Variants in MAGI2 observed in about 807,000 individuals in gnomAD.
MAGI2 encodes the protein membrane associated guanylate kinase, WW and PDZ domain containing 2, also known as membrane-associated guanylate kinase, WW and PDZ domain-containing protein 2.
In MAGI2, 35 loss-of-function variants were observed where a neutral mutation model predicts 133.3. The observed-to-expected ratio is 0.26, with a 90% CI of 0.20 to 0.35. MAGI2 has a LOEUF of 0.35. MAGI2 is among the 10% of genes least tolerant of loss of function. The pLI, the probability that MAGI2 is intolerant of heterozygous loss-of-function variation, is 1.00. For synonymous variants in MAGI2, 729 were observed against 710.6 expected, an observed-to-expected ratio of 1.03 and a Z score of -0.41; for missense variants, 1,636 against 1,863.4, an observed-to-expected ratio of 0.88 and a Z score of 2.25.
chr7:78,642,024 A>T (rs1810369542), intron 2 of MAGI2, among the ~76,000 whole-genome samples: 1 of 152,208 alleles, frequency 6.6e-6, no homozygotes, highest in Non-Finnish European at 1.5e-5. Context: ...TTATATAAGC[A>T]AATCTTCTGT....
chr7:79,328,669 A>C (rs2129088150), intron 1 of MAGI2, among the ~76,000 whole-genome samples: 1 of 152,304 alleles, frequency 6.6e-6, no homozygotes, highest in African/African-American at 2.4e-5. Context: ...TTGAAGGAAT[A>C]TTAAAATGTA....
intron 6 of MAGI2, among the ~76,000 whole-genome samples, chr7:78,482,917 ACACACACG>A (rs1257882942): frequency 6.2e-5 from 9 of 145,346 alleles, no homozygotes; most frequent in African/African-American, 2.5e-4. Flanking sequence ...ACACACACAC[ACACACACG>A]AGTACTTGTA....
chr7:79,174,146 T>C (rs1825869620), intron 1 of MAGI2, among the ~76,000 whole-genome samples: 1 of 152,084 alleles, frequency 6.6e-6, no homozygotes, highest in Non-Finnish European at 1.5e-5. Flanking sequence ...TAGATTGTGA[T>C]GTAAAATTTA....
intron 16 of MAGI2, among the ~76,000 whole-genome samples, chr7:78,155,897 C>A (rs776463686): frequency 6.6e-6 from 1 of 152,204 alleles, no homozygotes; most frequent in Non-Finnish European, 1.5e-5. Context: ...GAAACCCTAA[C>A]TCCCAGTTTC....
intron 2 of MAGI2, among the ~76,000 whole-genome samples, chr7:78,937,077 A>C (rs1243319474): frequency 2.0e-5 from 3 of 152,020 alleles, no homozygotes; most frequent in Non-Finnish European, 2.9e-5. Context: ...GTTCCGGGGA[A>C]GAAAAAATAC....
chr7:78,088,255 T>A (rs999062603), intron 20 of MAGI2, among the ~76,000 whole-genome samples: 1 of 152,252 alleles, frequency 6.6e-6, no homozygotes, highest in Admixed American at 6.5e-5. Context: ...TACTGACTCA[T>A]GGTAACAATT....
At chr7:79,324,393 T>C (rs1288851816) in intron 1 of MAGI2, among the ~76,000 whole-genome samples, 3 of 145,676 alleles carry the variant, frequency 2.1e-5, no homozygotes, top group Non-Finnish European at 4.5e-5. Flanking sequence ...TGTGTATGTA[T>C]ATATATATAC....
intron 1 of MAGI2, among the ~76,000 whole-genome samples, chr7:79,068,991 G>GTT (rs989141153): frequency 1.4e-5 from 2 of 143,190 alleles, no homozygotes. Flanking sequence ...CATTGGCTGA[G>GTT]TTTTTTTTTT....
At chr7:78,573,035 GTATATATATATATATATATATATA>G (rs765938732) in intron 3 of MAGI2, among the ~76,000 whole-genome samples, 8 of 31,680 alleles carry the variant, frequency 2.5e-4, no homozygotes, top group Admixed American at 6.5e-4. Flanking sequence ...GCATATGTAT[GTATATATATATATATATATATATA>G]TATATATATA....
At chr7:79,136,984 T>C (rs918211851) in intron 1 of MAGI2, among the ~76,000 whole-genome samples, 2 of 152,072 alleles carry the variant, frequency 1.3e-5, no homozygotes, top group Non-Finnish European at 2.9e-5. Context: ...TTACATCAAA[T>C]ACAGATTCTT....
intron 1 of MAGI2, among the ~76,000 whole-genome samples, chr7:79,362,092 T>C (rs982959815): frequency 1.3e-5 from 2 of 151,492 alleles, no homozygotes; most frequent in Non-Finnish European, 2.9e-5. Context: ...AAGTTAAAAA[T>C]AGGAAAACAA....
At chr7:78,562,558 T>C (rs1212419170) in intron 3 of MAGI2, among the ~76,000 whole-genome samples, 1 of 152,244 alleles carries the variant, frequency 6.6e-6, no homozygotes, top group East Asian at 1.9e-4. Flanking sequence ...ATGGTGATTT[T>C]AAGTGACCCA....
chr7:78,493,309 ATTC>A, intron 5 of MAGI2, among the ~76,000 whole-genome samples: 1 of 152,302 alleles, frequency 6.6e-6, no homozygotes, highest in Middle Eastern at 3.4e-3. Flanking sequence ...CTGAGAAAAC[ATTC>A]TTCTCACATA....
chr7:78,735,009 G>A (rs972384473), intron 2 of MAGI2, among the ~76,000 whole-genome samples: 45 of 152,270 alleles, frequency 3.0e-4, no homozygotes, highest in African/African-American at 9.1e-4. Context: ...GTCGAGTTTC[G>A]TTACGTATAA....
intron 3 of MAGI2, among the ~76,000 whole-genome samples, chr7:78,586,398 A>T (rs886138030): frequency 9.5e-5 from 14 of 147,520 alleles, no homozygotes; most frequent in African/African-American, 3.2e-4. Flanking sequence ...AATTTATTTG[A>T]TCCTTTCAAA....
chr7:78,288,332 A>G (rs540111635), intron 9 of MAGI2, among the ~76,000 whole-genome samples: 3 of 152,320 alleles, frequency 2.0e-5, no homozygotes, highest in African/African-American at 7.2e-5. Flanking sequence ...GCTTATTTGT[A>G]TTTTCCCATT....
At chr7:78,586,166 A>G (rs1339710112) in intron 3 of MAGI2, among the ~76,000 whole-genome samples, 1 of 152,192 alleles carries the variant, frequency 6.6e-6, no homozygotes, top group Non-Finnish European at 1.5e-5. Flanking sequence ...GCGTAAGTAG[A>G]TCATTGTTGC....
intron 3 of MAGI2, among the ~76,000 whole-genome samples, chr7:78,608,894 C>G (rs1806123888): frequency 1.3e-5 from 2 of 152,142 alleles, no homozygotes; most frequent in African/African-American, 2.4e-5. Flanking sequence ...ATGTCTATAT[C>G]TATCTACATA....
chr7:78,919,446 A>G (rs1041596224), intron 2 of MAGI2, among the ~76,000 whole-genome samples: 8 of 152,136 alleles, frequency 5.3e-5, no homozygotes, highest in Non-Finnish European at 1.2e-4. Context: ...TTTGCTATCA[A>G]TATTGCATGA....
Sources: gnomAD v4.1 joint callset for allele counts (sites outside exome capture counted in the v4.1 genomes callset) on GRCh38, gnomAD v4.1.1 for gene constraint, MANE v1.5 for transcripts, NCBI Gene and HGNC (gene_info 2026-07-23, HGNC 2026-07-21) for gene names.